SNX31: variants seen among roughly 807,000 people sequenced by gnomAD.
SNX31 encodes the protein sorting nexin-31.
In SNX31, 58 loss-of-function variants were observed where a neutral mutation model predicts 65.4. The observed-to-expected ratio is 0.89, with a 90% CI of 0.72 to 1.10. The LOEUF is 1.10. Among genes scored for constraint, SNX31 ranks in the 50% least tolerant of loss-of-function variants. The pLI is 0.00. For synonymous variants in SNX31, 181 were observed against 190.1 expected, an observed-to-expected ratio of 0.95 and a Z score of 0.39; for missense variants, 523 against 529.7, an observed-to-expected ratio of 0.99 and a Z score of 0.12.
At chr8:100,634,139 C>G (rs1818590046) in intron 3 of SNX31, among the ~76,000 whole-genome samples, 2 of 152,194 alleles carry the variant, frequency 1.3e-5, no homozygotes, top group African/African-American at 4.8e-5. Context: ...TCAACATCCT[C>G]TTTTCCGTGA....
Position 100,613,438 on chromosome 8 carries a change from T to C in SNX31, c.433-353A>G, listed in dbSNP as rs541615785. Among the ~76,000 whole-genome samples the C allele has an allele frequency of 3.3e-5, 5 of 152,318 alleles. No homozygotes were observed. The highest frequency in any genetic ancestry group is 2.0e-4 in the Admixed American group (3 of 15,306). On this transcript the variant is annotated intron_variant, in intron 5 of 13. Transcript: ENST00000311812. This position sits in a 1 kb window ranked among gnomAD's most constrained non-coding sequence, Gnocchi z 5.2. ...GCCATGTTCCATGAACATCTGTCCT[T>C]CTGTGATGTCTGTCCCTGGAACCTG...
In SNX31 at chr8:100,577,082, AG is replaced by A. The variant is rs768651478; in HGVS notation, c.1171-8del. On this transcript the variant is annotated splice_polypyrimidine_tract_variant and splice_region_variant and intron_variant, in intron 12 of 13. Transcript: ENST00000311812. ...GTTCCGGAACTTCAATCTGCTAGAT[AG>A]ATTAGTGAAATGTCAGTCAGCTCAG... The A allele has an allele frequency of 6.2e-7, 1 of 1,611,382 alleles. No homozygotes were observed. The highest frequency in any genetic ancestry group is 2.2e-5 in the East Asian group (1 of 44,826).
intron 1 of SNX31, among the ~76,000 whole-genome samples, chr8:100,662,923 G>T (rs1809811611): frequency 1.3e-5 from 2 of 152,056 alleles, no homozygotes; most frequent in Admixed American, 1.3e-4. Flanking sequence ...AAATAAATCA[G>T]TGCTCTACTA....
At chr8:100,589,090 CAG>C in intron 10 of SNX31, 111 bp from the exon 11 acceptor site, 1 of 706,080 alleles carries the variant, frequency 1.4e-6, no homozygotes, top group Non-Finnish European at 2.3e-6. Flanking sequence ...CGCCTGAGGT[CAG>C]GAGTTCGAGA....
At chr8:100,659,758 A>G (rs964966107) in intron 1 of SNX31, among the ~76,000 whole-genome samples, 2 of 152,182 alleles carry the variant, frequency 1.3e-5, no homozygotes, top group Non-Finnish European at 2.9e-5. Context: ...CTTTTGGCAA[A>G]CATTTGGTAC....
chr8:100,640,795 T>C (rs1819116796), intron 2 of SNX31, among the ~76,000 whole-genome samples: 1 of 152,100 alleles, frequency 6.6e-6, no homozygotes, highest in Non-Finnish European at 1.5e-5. Context: ...TCAAGGTCAT[T>C]AAACATAAGG....
At chr8:100,601,320 TTAACAACATGGGAAATGTGTGTAA>T (rs1424326212) in intron 8 of SNX31, among the ~76,000 whole-genome samples, 1 of 152,078 alleles carries the variant, frequency 6.6e-6, no homozygotes, top group Non-Finnish European at 1.5e-5. Context: ...CACAGAATAT[TTAACAACATGGGAAATGTGTGTAA>T]TGTTCATGAA....
chr8:100,601,360 T>A (rs1815607558), intron 8 of SNX31, among the ~76,000 whole-genome samples: 1 of 152,160 alleles, frequency 6.6e-6, no homozygotes, highest in African/African-American at 2.4e-5. Context: ...ATGAAAAATA[T>A]CAAATTGCCA....
chr8:100,602,000 TCC>T (rs1267094690), intron 8 of SNX31, among the ~76,000 whole-genome samples: 1 of 152,186 alleles, frequency 6.6e-6, no homozygotes, highest in East Asian at 1.9e-4. Context: ...GCTGTCCACC[TCC>T]TCAGCCACAC....
In SNX31 at chr8:100,594,208, G is replaced by T. The variant is rs1814850743; in HGVS notation, c.978+2431C>A. Among the ~76,000 whole-genome samples the T allele has an allele frequency of 6.6e-6, 1 of 152,136 alleles. No individual in the cohort carries two copies. Among genetic ancestry groups the T allele is most frequent in the South Asian group, 2.1e-4 (1 of 4,820 alleles). ...AATCCCAGCTACTTGGGAGGCTGAG[G>T]CAGGAGAATCCCTTGAACCTGGGAG... On this transcript the variant is annotated intron_variant, in intron 10 of 13. Transcript: ENST00000311812. The surrounding 1 kb of genome is among the most constrained non-coding windows in gnomAD (Gnocchi z 4.0).
At chr8:100,615,872 C>G (rs1817139675) in intron 5 of SNX31, among the ~76,000 whole-genome samples, 1 of 152,188 alleles carries the variant, frequency 6.6e-6, no homozygotes, top group South Asian at 2.1e-4. Context: ...CGGGTTCACG[C>G]CATTCTCCTG....
rs192967045 is a variant in SNX31 at position 100,611,860 on chromosome 8, T to G, written c.611+140A>C. 6.5e-4 allele frequency: 434 copies of G among 668,752 alleles called. 1 individual carries two copies. The African/African-American group carries it at 7.1e-3, about 11-fold the overall frequency. The allele number at this position is 668,752 out of a possible 1,614,324, so 41.4% of individuals were successfully genotyped here. A position where few individuals can be genotyped will look rare whatever the true frequency, so the allele number is the denominator to read the frequency against. On this transcript the variant is annotated intron_variant, in intron 7 of 13. Coordinates refer to ENST00000311812, the MANE Select transcript of SNX31 (RefSeq NM_152628.4). ...CATAAGCCACAGCACCTGGCCTTCA[T>G]TGCTTTTCTCAGAGCCTTCTCTAAG...
In SNX31 at chr8:100,576,214, A is replaced by G. The variant is rs531998589; in HGVS notation, c.1227+805T>C. Among the ~76,000 whole-genome samples, 4 of 152,236 alleles carry G rather than the reference A, an allele frequency of 2.6e-5. No homozygotes were observed. Among genetic ancestry groups the G allele is most frequent in the Non-Finnish European group, 5.9e-5 (4 of 68,044 alleles). On this transcript the variant is annotated intron_variant, in intron 13 of 13. Transcript: ENST00000311812. This position sits in a 1 kb window ranked among gnomAD's most constrained non-coding sequence, Gnocchi z 4.8. Reference sequence around the variant, plus strand: ...TCAAGAAAGGACTTTATATACTTACATATTTATAAATACTGTACATATATA... The same window carrying G: ...TCAAGAAAGGACTTTATATACTTACGTATTTATAAATACTGTACATATATA...
intron 10 of SNX31, among the ~76,000 whole-genome samples, chr8:100,589,757 T>A (rs1269361291): frequency 2.6e-5 from 4 of 152,240 alleles, no homozygotes; most frequent in Admixed American, 6.5e-5. Context: ...GAAAGCCTGG[T>A]AGGCAACATC....
chr8:100,588,938 G>T lies in SNX31; in HGVS notation c.1020C>A (p.Asn340Lys), dbSNP rs779685013. The T allele has an allele frequency of 6.2e-7, 1 of 1,614,030 alleles. No individual in the cohort carries two copies. The highest frequency in any genetic ancestry group is 1.1e-5 in the South Asian group (1 of 91,052). Residue 340 changes from asparagine to lysine, a missense_variant, in exon 11 of 14, where the codon AAC becomes AAA. Coordinates refer to ENST00000311812, the MANE Select transcript of SNX31 (RefSeq NM_152628.4). The surrounding 1 kb of genome is among the most constrained non-coding windows in gnomAD (Gnocchi z 4.8). ...ATTGAAATCTGAGCTCTAAGTTCTG[G>T]TTGAGAGTTCTCTGGGGCCCATCCG... Reference protein sequence around the residue: ...LDTDGPQRTLNQNLELRFQYS... With the variant: ...LDTDGPQRTLKQNLELRFQYS...
rs1818019448 is a variant in SNX31, at chr8:100,626,042, C to T, written c.321+4285G>A. ...AGGAGTTCAAGACCAGCCTGACCAA[C>T]ATGGAGAAACCCCATCTCTACTAAA... On this transcript the variant is annotated intron_variant, in intron 4 of 13. Coordinates refer to ENST00000311812, the MANE Select transcript of SNX31 (RefSeq NM_152628.4). The surrounding 1 kb of genome is among the most constrained non-coding windows in gnomAD (Gnocchi z 4.4). Among the ~76,000 whole-genome samples the T allele has an allele frequency of 6.6e-6, 1 of 152,138 alleles. No individual in the cohort carries two copies. Among genetic ancestry groups the T allele is most frequent in the Non-Finnish European group, 1.5e-5 (1 of 68,016 alleles).
rs200059366 is a variant in SNX31, at chr8:100,584,222, C to T, written c.1093-34G>A. The T allele has an allele frequency of 1.6e-5, 25 of 1,545,132 alleles. No homozygotes were observed. The South Asian group carries it at 1.9e-4, about 12-fold the overall frequency. ...TGCAGGAATAAAGAACTCTTGTAAC[C>T]GAAGAAATCTTCACTCTCTTTCTTC... On this transcript the variant is annotated intron_variant, in intron 11 of 13. Transcript: ENST00000311812.
Position 100,624,313 on chromosome 8 carries a change from C to T in SNX31, c.321+6014G>A, listed in dbSNP as rs76497064. On this transcript the variant is annotated intron_variant, in intron 4 of 13. Coordinates refer to ENST00000311812, the MANE Select transcript of SNX31 (RefSeq NM_152628.4). ...AATAAAACGAAGAATGAGAGATAGTCATATATGTATATAATTAACCTCCAT... is the reference window on the plus strand; with the variant it reads ...AATAAAACGAAGAATGAGAGATAGTTATATATGTATATAATTAACCTCCAT... 8.3e-3 allele frequency among the ~76,000 whole-genome samples: 1,270 copies of T among 152,252 alleles called. 23 individuals are homozygous for T. The highest frequency in any genetic ancestry group is 0.029 in the African/African-American group (1,202 of 41,550).
intron 4 of SNX31, among the ~76,000 whole-genome samples, chr8:100,623,191 G>A (rs551165760): frequency 6.6e-6 from 1 of 152,310 alleles, no homozygotes; most frequent in Admixed American, 6.5e-5. Flanking sequence ...GGGCAAGCAG[G>A]CATGTCTTAC....
Sources: allele counts gnomAD v4.1 joint callset (sites outside exome capture counted in the v4.1 genomes callset), GRCh38; gene constraint gnomAD v4.1.1; non-coding constraint Gnocchi (gnomAD v3.1); transcripts MANE v1.5; gene names NCBI Gene and HGNC (gene_info 2026-07-23, HGNC 2026-07-21).